Variants in ELOVL4 observed in about 807,000 individuals in gnomAD.
ELOVL4 encodes ELOVL fatty acid elongase 4.
In ELOVL4, 18 loss-of-function variants were observed where a neutral mutation model predicts 42.1. That is an observed-to-expected ratio of 0.43 (90% CI 0.30 to 0.63). The LOEUF (loss-of-function observed/expected upper bound fraction) is 0.63, where lower values mean the gene tolerates loss of function less well. Ranked by LOEUF, ELOVL4 falls within the 30% of genes least tolerant of loss-of-function variation. The probability of loss-of-function intolerance (pLI) is 0.15; values close to 1 mark genes in which losing one functional copy is unlikely to be tolerated. For synonymous variants in ELOVL4, 117 were observed against 127.0 expected, an observed-to-expected ratio of 0.92 and a Z score of 0.53; for missense variants, 299 against 376.2, an observed-to-expected ratio of 0.79 and a Z score of 1.70.
intron 1 of ELOVL4, among the ~76,000 whole-genome samples, chr6:79,936,544 A>G (rs1774546902): frequency 6.6e-6 from 1 of 152,206 alleles, no homozygotes; most frequent in Non-Finnish European, 1.5e-5. Context: ...TCCTTGCTGT[A>G]TCTCTGTTAA....
intron 4 of ELOVL4, among the ~76,000 whole-genome samples, chr6:79,920,823 G>C (rs1774239919): frequency 6.6e-6 from 1 of 152,062 alleles, no homozygotes; most frequent in African/African-American, 2.4e-5. Flanking sequence ...CTTGTGTTTT[G>C]ACTGTGACCC....
intron 4 of ELOVL4, among the ~76,000 whole-genome samples, chr6:79,920,724 G>T (rs1381497253): frequency 2.6e-5 from 4 of 152,194 alleles, no homozygotes; most frequent in Non-Finnish European, 5.9e-5. Flanking sequence ...ATTATCTGTG[G>T]TTGTTTGGCA....
chr6:79,935,312 T>G, intron 1 of ELOVL4, among the ~76,000 whole-genome samples: 1 of 152,296 alleles, frequency 6.6e-6, no homozygotes, highest in East Asian at 1.9e-4. Context: ...CAGAATGAAC[T>G]ATCTTCCCCA....
intron 1 of ELOVL4, among the ~76,000 whole-genome samples, chr6:79,928,739 T>TGTTTTG (rs1338444733): frequency 1.6e-4 from 22 of 141,432 alleles, no homozygotes; most frequent in African/African-American, 5.7e-4. Flanking sequence ...TTTTTTTTTT[T>TGTTTTG]TTTTTTTTTT....
Position 79,916,871 on chromosome 6 carries a change from C to A in ELOVL4, c.682G>T (p.Val228Leu). Residue 228 changes from valine (V) to leucine (L), a missense_variant, in exon 6 of 6, where the codon GTG becomes TTG. By Grantham distance (32) the Val-to-Leu change is conservative. Coordinates refer to ENST00000369816, the MANE Select transcript of ELOVL4 (RefSeq NM_022726.4). ...GACAGTGCCGTGTGCCCAATGGTCACATGGAATTGAATCTGAAAAACAGAA... is the reference window on the plus strand; with the variant it reads ...GACAGTGCCGTGTGCCCAATGGTCAAATGGAATTGAATCTGAAAAACAGAA... ...LTMLQLIQFH[V>L]TIGHTALSLY... The A allele has an allele frequency of 1.9e-6, 3 of 1,614,088 alleles. No homozygotes were observed. The highest frequency in any genetic ancestry group is 2.5e-6 in the Non-Finnish European group (3 of 1,180,002).
chr6:79,943,714 A>G (rs952838501), intron 1 of ELOVL4, among the ~76,000 whole-genome samples: 2 of 152,124 alleles, frequency 1.3e-5, no homozygotes, highest in Admixed American at 1.3e-4. Context: ...TTTCCTTTCC[A>G]GAGCCTAGAA....
At position 79,947,181 on chromosome 6, in the gene ELOVL4, T is replaced by C; in HGVS notation, c.99A>G (p.Ala33=). Residue 33 remains alanine (A), a splice_region_variant and synonymous_variant, in exon 1 of 6, where the codon GCA becomes GCG. Coordinates refer to ENST00000369816, the MANE Select transcript of ELOVL4 (RefSeq NM_022726.4). ...GGATGGGGAAGTCAGCGGCTTTACC[T>C]GCGATGGACCAGGTCCAGCGGTAGA... The part of the protein sequence containing the change: ...VEFYRWTWSI[A]DKRVENWPLM... 3.1e-6 allele frequency: 5 copies of C among 1,611,724 alleles called. No individual in the cohort carries two copies. The South Asian group carries it at 5.5e-5, about 18-fold the overall frequency.
chr6:79,922,578 T>C (rs1774276816), intron 3 of ELOVL4, among the ~76,000 whole-genome samples: 1 of 152,196 alleles, frequency 6.6e-6, no homozygotes, highest in Non-Finnish European at 1.5e-5. Flanking sequence ...CCAAACTTAA[T>C]TTTTTATGTC....
rs570417471 is a variant in ELOVL4, at chr6:79,915,122, T to C, written c.*1486A>G. The stretch of plus-strand genomic sequence containing the variant: ...CAGCATACATCCTACACATGCAGCT[T>C]TGACATGTTGTTGAGATACTTAAGA... On this transcript the variant is annotated 3_prime_UTR_variant, in exon 6 of 6. Coordinates refer to ENST00000369816, the MANE Select transcript of ELOVL4 (RefSeq NM_022726.4). 2.0e-5 allele frequency: 3 copies of C among 152,684 alleles called. No individual in the cohort carries two copies. The South Asian group carries it at 6.2e-4, about 32-fold the overall frequency. The allele number at this position is 152,684 out of a possible 1,614,324, so 9.5% of individuals were successfully genotyped here. A position where few individuals can be genotyped will look rare whatever the true frequency, so the allele number is the denominator to read the frequency against.
At chr6:79,935,904 C>T (rs141549731) in intron 1 of ELOVL4, among the ~76,000 whole-genome samples, 108 of 152,294 alleles carry the variant, frequency 7.1e-4, no homozygotes, top group African/African-American at 2.3e-3. Context: ...AGAAAAGCAT[C>T]ACCTGGAACC....
chr6:79,940,189 C>G (rs985524983), intron 1 of ELOVL4, among the ~76,000 whole-genome samples: 3 of 152,094 alleles, frequency 2.0e-5, no homozygotes, highest in African/African-American at 7.2e-5. Flanking sequence ...ATCACAAATG[C>G]TTTTATGTGA....
chr6:79,934,523 C>T (rs1460076830), intron 1 of ELOVL4, among the ~76,000 whole-genome samples: 2 of 152,086 alleles, frequency 1.3e-5, no homozygotes, highest in Non-Finnish European at 2.9e-5. Flanking sequence ...CTATTCTCTC[C>T]CAAATTTACA....
chr6:79,947,156 G>T, intron 1 of ELOVL4, 24 bp downstream of exon 1: 3 of 1,596,308 alleles, frequency 1.9e-6, no homozygotes, highest in Non-Finnish European at 1.7e-6. Flanking sequence ...GACCGAGCGA[G>T]GATGGGGAAG....
In ELOVL4 at chr6:79,916,515, C is replaced by T. The variant is rs1774163100; in HGVS notation, c.*93G>A. The T allele has an allele frequency of 1.3e-6, 2 of 1,504,820 alleles. No homozygotes were observed. The highest frequency in any genetic ancestry group is 3.4e-5 in the Admixed American group (2 of 59,484). 93.2% of individuals were successfully genotyped at this position (1,504,820 alleles called of 1,614,324 possible). A position where few individuals can be genotyped will look rare whatever the true frequency, so the allele number is the denominator to read the frequency against. Reference sequence around the variant, plus strand: ...GAGCACATTTGTCTTTTCTCCCCACCCCCAAGCTCTCCTTTGCTTCTGTTT... The same window carrying T: ...GAGCACATTTGTCTTTTCTCCCCACTCCCAAGCTCTCCTTTGCTTCTGTTT... On this transcript the variant is annotated 3_prime_UTR_variant, in exon 6 of 6. Coordinates refer to ENST00000369816, the MANE Select transcript of ELOVL4 (RefSeq NM_022726.4).
At chr6:79,932,551 C>CA (rs33949073) in intron 1 of ELOVL4, among the ~76,000 whole-genome samples, 6,386 of 142,022 alleles carry the variant, frequency 0.045, 398 homozygotes, top group African/African-American at 0.15. Context: ...GACTCCTTCT[C>CA]AAAAAAAAAA....
chr6:79,919,236 G>T (rs1038911045), intron 5 of ELOVL4, among the ~76,000 whole-genome samples, 184 bp downstream of exon 5: 1 of 152,130 alleles, frequency 6.6e-6, no homozygotes, highest in Non-Finnish European at 1.5e-5. Context: ...ACAAAGATTT[G>T]CTGGGACCAA....
Position 79,947,189 on chromosome 6 carries a change from A to T in ELOVL4, c.91T>A (p.Ser31Thr). The change falls in exon 1 of 6, where the codon TCC becomes ACC. Residue 31 changes from serine to threonine, a missense_variant. Transcript: ENST00000369816. ...DTVEFYRWTW[S>T]IADKRVENWP... Reference sequence around the variant, plus strand: ...AAGTCAGCGGCTTTACCTGCGATGGACCAGGTCCAGCGGTAGAACTCTACC... The same window carrying T: ...AAGTCAGCGGCTTTACCTGCGATGGTCCAGGTCCAGCGGTAGAACTCTACC... 1 of 1,612,516 alleles carries T rather than the reference A, an allele frequency of 6.2e-7. No homozygotes were observed. The highest frequency in any genetic ancestry group is 8.5e-7 in the Non-Finnish European group (1 of 1,179,214).
chr6:79,928,827 C>T (rs1774394831), intron 1 of ELOVL4, among the ~76,000 whole-genome samples: 1 of 149,808 alleles, frequency 6.7e-6, no homozygotes, highest in Non-Finnish European at 1.5e-5. Flanking sequence ...GCAGCCTCCA[C>T]CTCCAGGGCT....
At chr6:79,916,947 C>T (rs867999000) in intron 5 of ELOVL4, 64 bp from the exon 6 acceptor site, 28 of 1,593,798 alleles carry the variant, frequency 1.8e-5, no homozygotes, top group Middle Eastern at 3.6e-4. Context: ...TTAACAACAT[C>T]GGCATCTTCT....
Sources: gnomAD v4.1 joint callset for allele counts (sites outside exome capture counted in the v4.1 genomes callset) on GRCh38, gnomAD v4.1.1 for gene constraint, MANE v1.5 for transcripts, NCBI Gene and HGNC (gene_info 2026-07-23, HGNC 2026-07-21) for gene names.